Variants in ABCA12 observed in about 807,000 individuals in gnomAD.
ABCA12 encodes the protein ATP binding cassette subfamily A member 12, also known as glucosylceramide transporter ABCA12.
In ABCA12, 156 loss-of-function variants were observed where a neutral mutation model predicts 293.5. The observed-to-expected ratio is 0.53, with a 90% CI of 0.47 to 0.61. The LOEUF is 0.61. ABCA12 is among the 20% of genes least tolerant of loss of function. The probability of loss-of-function intolerance (pLI) is 0.00; values close to 1 mark genes in which losing one functional copy is unlikely to be tolerated. For missense variants in ABCA12, 2,797 were observed against 3,090.2 expected (o/e 0.91, Z 2.25); for synonymous variants, 1,063 against 1,108.0 (o/e 0.96, Z 0.81).
intron 1 of ABCA12, among the ~76,000 whole-genome samples, chr2:215,123,785 T>G (rs532146605): frequency 6.6e-6 from 1 of 152,282 alleles, no homozygotes; most frequent in African/African-American, 2.4e-5. Context: ...TTAATTTTTT[T>G]TATAAGTTAT....
chr2:215,040,368 GA>G (rs2106041487), intron 7 of ABCA12, among the ~76,000 whole-genome samples: 1 of 152,178 alleles, frequency 6.6e-6, no homozygotes, highest in African/African-American at 2.4e-5. Context: ...ATAGACATAT[GA>G]AAAAATGTTC....
At chr2:215,038,695 C>T (rs1213028715) in intron 7 of ABCA12, among the ~76,000 whole-genome samples, 1 of 152,212 alleles carries the variant, frequency 6.6e-6, no homozygotes, top group East Asian at 1.9e-4. Context: ...CTTGGTCGGC[C>T]TTCAAGCCTG....
At chr2:215,003,324 C>T (rs536416350) in intron 20 of ABCA12, among the ~76,000 whole-genome samples, 1 of 152,282 alleles carries the variant, frequency 6.6e-6, no homozygotes, top group South Asian at 2.1e-4. Flanking sequence ...GTTTAGACAG[C>T]TTCCTTTGAT....
intron 3 of ABCA12, among the ~76,000 whole-genome samples, chr2:215,057,767 C>T (rs910710635): frequency 4.6e-5 from 7 of 152,014 alleles, no homozygotes; most frequent in Non-Finnish European, 1.0e-4. Context: ...CTTGGAACAA[C>T]TTACCACTAA....
intron 13 of ABCA12, 94 bp from the exon 14 acceptor site, chr2:215,018,226 ACATACGTGCCTTCT>A: frequency 6.7e-7 from 1 of 1,497,302 alleles, no homozygotes; most frequent in South Asian, 1.2e-5. Flanking sequence ...CTAGACTAAG[ACATACGTGCCTTCT>A]CAGGGGCAGA....
intron 2 of ABCA12, among the ~76,000 whole-genome samples, chr2:215,074,701 T>C (rs1224598554): frequency 6.6e-6 from 1 of 152,120 alleles, no homozygotes; most frequent in Non-Finnish European, 1.5e-5. Flanking sequence ...CCCAGCACTT[T>C]GGGAGGCCAA....
chr2:214,934,124 G>A lies in ABCA12; in HGVS notation c.7634C>T (p.Ala2545Val). ...CACTAAGAAATTTGTAATATTTAAAGCAGTCTTGTTGGTTTCCAGCAGATC... is the reference window on the plus strand; with the variant it reads ...CACTAAGAAATTTGTAATATTTAAAACAGTCTTGTTGGTTTCCAGCAGATC... ...IFDLLETNKTALNITNFLVSQ... is the reference protein window; with the variant it reads ...IFDLLETNKTVLNITNFLVSQ... Residue 2545 changes from alanine (A) to valine (V), a missense_variant, in exon 52 of 53, where the codon GCT (alanine) becomes GTT (valine). Ala to Val is a moderately conservative substitution (Grantham distance 64). Coordinates refer to ENST00000272895, the MANE Select transcript of ABCA12 (RefSeq NM_173076.3). 1.2e-6 allele frequency: 2 copies of A among 1,613,706 alleles called. No individual in the cohort carries two copies. The highest frequency in any genetic ancestry group is 1.7e-6 in the Non-Finnish European group (2 of 1,179,750).
At chr2:215,077,693 G>T (rs569162381) in intron 2 of ABCA12, among the ~76,000 whole-genome samples, 1 of 152,148 alleles carries the variant, frequency 6.6e-6, no homozygotes, top group African/African-American at 2.4e-5. Flanking sequence ...GCAAACATGT[G>T]CCATTTATTT....
intron 19 of ABCA12, chr2:215,004,634 CA>C: frequency 4.6e-6 from 1 of 218,622 alleles, no homozygotes; most frequent in South Asian, 7.2e-5. Flanking sequence ...GTATACTATA[CA>C]CAATGTTGTG....
At chr2:215,043,969 T>C (rs1032846612) in intron 7 of ABCA12, among the ~76,000 whole-genome samples, 2 of 151,952 alleles carry the variant, frequency 1.3e-5, no homozygotes, top group African/African-American at 4.8e-5. Context: ...ATAATATTAA[T>C]GAGACTTATT....
At chr2:215,133,318 T>C (rs977204582) in intron 1 of ABCA12, among the ~76,000 whole-genome samples, 2 of 151,708 alleles carry the variant, frequency 1.3e-5, no homozygotes, top group African/African-American at 4.8e-5. Context: ...TCAAGCAAGA[T>C]TGGGGAAATT....
chr2:214,977,256 G>T (rs1371715149), intron 33 of ABCA12, among the ~76,000 whole-genome samples: 1 of 152,176 alleles, frequency 6.6e-6, no homozygotes, highest in Non-Finnish European at 1.5e-5. Context: ...CTGAAGAATA[G>T]TTTCAAATTA....
At chr2:215,099,071 C>T (rs1031529669) in intron 2 of ABCA12, among the ~76,000 whole-genome samples, 2 of 152,248 alleles carry the variant, frequency 1.3e-5, no homozygotes, top group African/African-American at 4.8e-5. Flanking sequence ...CACTTGTTCT[C>T]ATGAATAGAA....
intron 1 of ABCA12, among the ~76,000 whole-genome samples, chr2:215,112,329 A>G (rs1702589116): frequency 1.4e-5 from 2 of 145,330 alleles, no homozygotes; most frequent in Admixed American, 1.3e-4. Context: ...CGTTATAGTC[A>G]ATGATTTTTT....
intron 2 of ABCA12, among the ~76,000 whole-genome samples, chr2:215,083,033 G>A (rs748218311): frequency 6.6e-6 from 1 of 152,130 alleles, no homozygotes; most frequent in Admixed American, 6.5e-5. Context: ...CTCTTTCCAC[G>A]AAGTCATTCT....
intron 23 of ABCA12, 120 bp downstream of exon 23, chr2:214,997,575 T>C: frequency 1.4e-6 from 1 of 716,494 alleles, no homozygotes. Flanking sequence ...AGGTTTTTCT[T>C]TCTGTTTAAT....
rs778497777 is a variant in ABCA12 at position 215,025,748 on chromosome 2, T to C, written c.1212A>G (p.Arg404=). The part of the protein sequence containing the change: ...ENLRLLQSTI[R]FKKSFLRNGS... ...CATTGCGAAGAAAAGATTTTTTAAATCGTATTGTGGACTGCAGGAGTCTTA... is the reference window on the plus strand; with the variant it reads ...CATTGCGAAGAAAAGATTTTTTAAACCGTATTGTGGACTGCAGGAGTCTTA... Residue 404 remains arginine (R), a synonymous_variant, in exon 11 of 53, where the codon CGA becomes CGG. Transcript: ENST00000272895. The C allele has an allele frequency of 1.2e-6, 2 of 1,613,192 alleles. No homozygotes were observed. The highest frequency in any genetic ancestry group is 1.1e-5 in the South Asian group (1 of 91,058).
intron 18 of ABCA12, among the ~76,000 whole-genome samples, chr2:215,009,454 A>C (rs1461396808): frequency 1.5e-5 from 2 of 136,414 alleles, no homozygotes; most frequent in African/African-American, 7.2e-5. Flanking sequence ...CCCTGAACTT[A>C]AAATAAAAGT....
chr2:214,961,208 G>C (rs1298560902), intron 39 of ABCA12, among the ~76,000 whole-genome samples: 5 of 152,202 alleles, frequency 3.3e-5, no homozygotes, highest in Admixed American at 6.5e-5. Context: ...CTTCCAGAGA[G>C]AGTGGAAACT....
Sources: allele counts gnomAD v4.1 joint callset (sites outside exome capture counted in the v4.1 genomes callset), GRCh38; gene constraint gnomAD v4.1.1; transcripts MANE v1.5; gene names NCBI Gene and HGNC (gene_info 2026-07-23, HGNC 2026-07-21).